Variants in DYNC2LI1 observed in about 807,000 individuals in gnomAD.
DYNC2LI1 encodes the protein cytoplasmic dynein 2 light intermediate chain 1.
DYNC2LI1 carries 45 observed loss-of-function variants against 51.9 expected under a neutral mutation model. The ratio of observed to expected loss-of-function variants is 0.87; its 90% CI spans 0.68 to 1.11. The LOEUF (loss-of-function observed/expected upper bound fraction) is 1.11, where lower values mean the gene tolerates loss of function less well. Among genes scored for constraint, DYNC2LI1 ranks in the 50% most tolerant of loss-of-function variants. The probability of loss-of-function intolerance (pLI) is 0.00; values close to 1 mark genes in which losing one functional copy is unlikely to be tolerated. For synonymous variants in DYNC2LI1, 130 were observed against 137.8 expected, an observed-to-expected ratio of 0.94 and a Z score of 0.40; for missense variants, 490 against 417.4, an observed-to-expected ratio of 1.17 and a Z score of -1.51.
At chr2:43,817,309 A>G in the DYNC2LI1 span, among the ~76,000 whole-genome samples, 1 of 151,818 alleles carries the variant, frequency 6.6e-6, no homozygotes, top group Non-Finnish European at 1.5e-5. Context: ...ACTTGGTGAA[A>G]CCTCATCTCT....
chr2:43,819,025 C>T, the DYNC2LI1 span, among the ~76,000 whole-genome samples: 1 of 152,156 alleles, frequency 6.6e-6, no homozygotes, highest in Non-Finnish European at 1.5e-5. Flanking sequence ...CAAGTCTGAG[C>T]TTCATTTTCT....
chr2:43,825,047 G>C, the DYNC2LI1 span: 89 of 1,611,790 alleles, frequency 5.5e-5, no homozygotes, highest in African/African-American at 1.0e-3. Context: ...TAGTTAGTGT[G>C]TGATCACAAG....
intron 7 of DYNC2LI1, 132 bp from the exon 8 acceptor site, chr2:43,796,586 A>G: frequency 1.5e-6 from 1 of 646,124 alleles, no homozygotes; most frequent in Non-Finnish European, 2.6e-6. Context: ...ATAAATATCA[A>G]GGTAATGGAA....
chr2:43,785,103 G>A (rs530424100), intron 3 of DYNC2LI1, among the ~76,000 whole-genome samples: 51 of 152,104 alleles, frequency 3.4e-4, no homozygotes, highest in Middle Eastern at 6.8e-3. Context: ...TTCAAGACCA[G>A]CTTGGCCAAC....
At chr2:43,824,054 T>A in the DYNC2LI1 span, 1 of 1,614,102 alleles carries the variant, frequency 6.2e-7, no homozygotes, top group Admixed American at 1.7e-5. Flanking sequence ...AAACCCATGA[T>A]CAGATTCTGA....
At chr2:43,813,709 G>GTTTTTTT (rs1214033245), downstream of DYNC2LI1, among the ~76,000 whole-genome samples, 22 of 34,056 alleles carry the variant, frequency 6.5e-4, 1 homozygote, top group Non-Finnish European at 7.0e-4. Context: ...TTTTTTTTTC[G>GTTTTTTT]TTTTTTTTTT....
At chr2:43,824,379 T>C in the DYNC2LI1 span, 32 of 1,614,216 alleles carry the variant, frequency 2.0e-5, no homozygotes, top group Non-Finnish European at 2.5e-5. Flanking sequence ...TGGACTCTCT[T>C]GGAGGTTTCT....
chr2:43,789,099 C>T (rs187982362), intron 4 of DYNC2LI1, among the ~76,000 whole-genome samples: 44 of 152,316 alleles, frequency 2.9e-4, no homozygotes, highest in African/African-American at 1.0e-3. Flanking sequence ...GAATCAGGAA[C>T]AAATCGTCTG....
downstream of DYNC2LI1, chr2:43,814,727 A>G: frequency 1.7e-6 from 1 of 593,326 alleles, no homozygotes; most frequent in Non-Finnish European, 3.0e-6. Context: ...TGCTCACTAT[A>G]AAAAAACCTT....
intron 8 of DYNC2LI1, among the ~76,000 whole-genome samples, chr2:43,798,442 A>T (rs949961521): frequency 1.4e-5 from 2 of 144,918 alleles, no homozygotes; most frequent in African/African-American, 5.6e-5. Context: ...TGAATGGCTC[A>T]TCGAGGGTAC....
the DYNC2LI1 span, among the ~76,000 whole-genome samples, chr2:43,827,357 T>G: frequency 6.6e-6 from 1 of 151,194 alleles, no homozygotes; most frequent in Middle Eastern, 3.5e-3. Flanking sequence ...CAAGAGCTGT[T>G]AAAAACATCT....
intron 4 of DYNC2LI1, among the ~76,000 whole-genome samples, chr2:43,789,182 T>C (rs572541030): frequency 6.6e-6 from 1 of 152,356 alleles, no homozygotes; most frequent in South Asian, 2.1e-4. Context: ...CTTCATGCTT[T>C]ACGTGTGTCT....
intron 5 of DYNC2LI1, 57 bp from the exon 6 acceptor site, chr2:43,794,400 G>A (rs1443908529): frequency 2.7e-6 from 4 of 1,493,424 alleles, no homozygotes; most frequent in Admixed American, 2.1e-5. Flanking sequence ...AGTACATTAG[G>A]ATTTCAAAAT....
intron 3 of DYNC2LI1, 35 bp downstream of exon 3, chr2:43,783,589 G>C: frequency 7.1e-7 from 1 of 1,404,250 alleles, no homozygotes; most frequent in East Asian, 2.6e-5. Flanking sequence ...CTATATTTAT[G>C]CTTATTCTAG....
chr2:43,794,159 G>A (rs971975193), intron 5 of DYNC2LI1: 4 of 236,782 alleles, frequency 1.7e-5, no homozygotes, highest in East Asian at 8.7e-5. Context: ...GGATGTAAAC[G>A]TGGCATTGTC....
the DYNC2LI1 span, chr2:43,819,856 T>C: frequency 6.4e-7 from 1 of 1,561,172 alleles, no homozygotes; most frequent in Non-Finnish European, 8.8e-7. Flanking sequence ...CAGTCATTAT[T>C]AGGTGATCAT....
intron 6 of DYNC2LI1, 156 bp downstream of exon 6, chr2:43,794,799 C>A (rs1299140030): frequency 1.3e-6 from 2 of 1,487,834 alleles, no homozygotes; most frequent in African/African-American, 1.4e-5. Context: ...TTTATTAAAA[C>A]CTCAGTAAGA....
intron 1 of DYNC2LI1, 31 bp from the exon 2 acceptor site, chr2:43,776,751 C>G: frequency 1.0e-6 from 1 of 991,698 alleles, no homozygotes; most frequent in South Asian, 1.6e-5. Flanking sequence ...TTCTTTTTCC[C>G]TCAATTTTGT....
rs548383414 is a variant in DYNC2LI1 at position 43,774,989 on chromosome 2, A to C, written c.8+843A>C. Among the ~76,000 whole-genome samples, 53 of 152,296 alleles carry C rather than the reference A, an allele frequency of 3.5e-4. 1 individual carries two copies. Among genetic ancestry groups the C allele is most frequent in the African/African-American group, 1.1e-3 (46 of 41,562 alleles). ...AAATAAATGCATGAATTTTAGTGCA[A>C]ACATTTAAGGACTCCTGTTTTGACC... On this transcript the variant is annotated intron_variant, in intron 1 of 12. Coordinates refer to ENST00000260605, the MANE Select transcript of DYNC2LI1 (RefSeq NM_016008.4).
Sources: gnomAD v4.1 joint callset for allele counts (sites outside exome capture counted in the v4.1 genomes callset) on GRCh38, gnomAD v4.1.1 for gene constraint, MANE v1.5 for transcripts, NCBI Gene and HGNC (gene_info 2026-07-23, HGNC 2026-07-21) for gene names.